The following UBE2G1 variants were observed in gnomAD, a reference collection of about 807,000 sequenced individuals.
UBE2G1 encodes the protein ubiquitin conjugating enzyme E2 G1, also known as ubiquitin-conjugating enzyme E2 G1.
In UBE2G1, 5 loss-of-function variants were observed where a neutral mutation model predicts 22.7. That is an observed-to-expected ratio of 0.22 (90% confidence interval 0.12 to 0.46). The LOEUF (loss-of-function observed/expected upper bound fraction) is 0.46, where lower values mean the gene tolerates loss of function less well. UBE2G1 is among the 20% of genes least tolerant of loss of function. UBE2G1 has a pLI of 0.99. For synonymous variants in UBE2G1, 74 were observed against 67.5 expected, an observed-to-expected ratio of 1.10 and a Z score of -0.47; for missense variants, 88 against 203.9, an observed-to-expected ratio of 0.43 and a Z score of 3.46.
chr17:4,293,769 C>A (rs1969071367), intron 3 of UBE2G1, among the ~76,000 whole-genome samples: 1 of 152,108 alleles, frequency 6.6e-6, no homozygotes, highest in South Asian at 2.1e-4. Flanking sequence ...TGTAAATGGC[C>A]AGTCAATCCT....
intron 1 of UBE2G1, among the ~76,000 whole-genome samples, chr17:4,361,507 A>AAAGGTGGTGGTGGCT (rs1969966242): frequency 6.6e-6 from 1 of 152,212 alleles, no homozygotes; most frequent in Non-Finnish European, 1.5e-5. Flanking sequence ...AGCCTGGGTG[A>AAAGGTGGTGGTGGCT]CAGAGTGAGA....
chr17:4,337,469 A>G (rs1185100429), intron 1 of UBE2G1, among the ~76,000 whole-genome samples: 1 of 152,040 alleles, frequency 6.6e-6, no homozygotes, highest in Non-Finnish European at 1.5e-5. Context: ...CCTGGCCAAC[A>G]CGGTGAAACC....
intron 3 of UBE2G1, among the ~76,000 whole-genome samples, chr17:4,294,009 T>A (rs981347344): frequency 6.6e-6 from 1 of 152,234 alleles, no homozygotes; most frequent in Non-Finnish European, 1.5e-5. Context: ...CTTTTTTATT[T>A]TTTGTCATTT....
At chr17:4,342,662 T>C (rs114157552) in intron 1 of UBE2G1, among the ~76,000 whole-genome samples, 224 of 152,308 alleles carry the variant, frequency 1.5e-3, no homozygotes, top group Middle Eastern at 6.8e-3. Context: ...TAAACCACTT[T>C]GTTCTCGGCT....
At position 4,284,312 on chromosome 17, in the gene UBE2G1, C is replaced by T. The variant is rs899088928; in HGVS notation, c.427-1391G>A. On this transcript the variant is annotated intron_variant, in intron 4 of 5. Coordinates refer to ENST00000396981, the MANE Select transcript of UBE2G1 (RefSeq NM_003342.5). ...TACTGAAGAATACTATAATTAGAAC[C>T]GCTAGGCTGGGTGTGGTGGCTCACA... Among the ~76,000 whole-genome samples, 3 of 151,542 alleles carry T rather than the reference C, an allele frequency of 2.0e-5. No homozygotes were observed. In the South Asian group the frequency reaches 6.3e-4, roughly 32 times the overall value.
chr17:4,301,484 C>A, intron 2 of UBE2G1: 1 of 828,068 alleles, frequency 1.2e-6, no homozygotes, highest in Non-Finnish European at 2.1e-6. Flanking sequence ...ATCCTGCTGC[C>A]CTTCAGACTC....
intron 1 of UBE2G1, among the ~76,000 whole-genome samples, chr17:4,348,552 C>CAA (rs777127524): frequency 4.5e-4 from 29 of 64,212 alleles, no homozygotes; most frequent in African/African-American, 5.3e-4. Context: ...GACTCCGTCT[C>CAA]AAAAAAAAAA....
At chr17:4,335,861 C>A (rs992544928) in intron 1 of UBE2G1, among the ~76,000 whole-genome samples, 3 of 152,016 alleles carry the variant, frequency 2.0e-5, no homozygotes, top group Non-Finnish European at 4.4e-5. Context: ...AGGAAGAAAA[C>A]CAAGCCAGAC....
At chr17:4,364,797 G>T (rs1970013680) in intron 1 of UBE2G1, among the ~76,000 whole-genome samples, 1 of 147,732 alleles carries the variant, frequency 6.8e-6, no homozygotes, top group Non-Finnish European at 1.5e-5. Flanking sequence ...GGCCAGGCTG[G>T]CCCTGAACTC....
At chr17:4,279,651 C>T (rs1019806284) in intron 5 of UBE2G1, among the ~76,000 whole-genome samples, 5 of 151,530 alleles carry the variant, frequency 3.3e-5, no homozygotes, top group Admixed American at 2.6e-4. Flanking sequence ...GGCTCATGCC[C>T]GTAATCCCAG....
chr17:4,337,733 G>A (rs1969666154), intron 1 of UBE2G1, among the ~76,000 whole-genome samples: 1 of 151,666 alleles, frequency 6.6e-6, no homozygotes, highest in African/African-American at 2.4e-5. Context: ...CTCAGAGGAA[G>A]AGAGCCACAG....
In UBE2G1 at chr17:4,269,708, A is replaced by G. The variant is rs998368094; in HGVS notation, c.*2846T>C. On this transcript the variant is annotated 3_prime_UTR_variant, in exon 6 of 6. Coordinates refer to ENST00000396981, the MANE Select transcript of UBE2G1 (RefSeq NM_003342.5). ...GGCCAGAAAGCCACTCAGATCATCT[A>G]TCCCATACAAGCACAGACTGAAATC... The G allele has an allele frequency of 1.6e-5, 3 of 186,250 alleles. No individual in the cohort carries two copies. Among genetic ancestry groups the G allele is most frequent in the African/African-American group, 7.2e-5 (3 of 41,586 alleles). The allele number at this position is 186,250 out of a possible 1,614,324, so 11.5% of individuals were successfully genotyped here. A position where few individuals can be genotyped will look rare whatever the true frequency, so the allele number is the denominator to read the frequency against.
At chr17:4,325,003 G>A (rs1969487210) in intron 1 of UBE2G1, among the ~76,000 whole-genome samples, 1 of 152,034 alleles carries the variant, frequency 6.6e-6, no homozygotes, top group South Asian at 2.1e-4. Flanking sequence ...CGTGAACCCA[G>A]GAGGCAAAGC....
At chr17:4,275,254 C>T (rs1968808035) in intron 5 of UBE2G1, among the ~76,000 whole-genome samples, 1 of 152,178 alleles carries the variant, frequency 6.6e-6, no homozygotes, top group African/African-American at 2.4e-5. Context: ...AGAGACAAGG[C>T]CTCAGTACAG....
intron 1 of UBE2G1, among the ~76,000 whole-genome samples, chr17:4,346,742 C>T (rs1371347979): frequency 6.6e-6 from 1 of 151,742 alleles, no homozygotes; most frequent in African/African-American, 2.4e-5. Context: ...CTCCAGCTTA[C>T]ATTTTCAATA....
chr17:4,291,075 C>T (rs772424142), intron 3 of UBE2G1, among the ~76,000 whole-genome samples: 7 of 152,074 alleles, frequency 4.6e-5, no homozygotes, highest in Non-Finnish European at 7.4e-5. Context: ...AGAATAACAC[C>T]GAGGGCCGGG....
In UBE2G1 at chr17:4,343,771, T is replaced by C. The variant is rs1969737984; in HGVS notation, c.46+22500A>G. Among the ~76,000 whole-genome samples, 2 of 151,334 alleles carry C rather than the reference T, an allele frequency of 1.3e-5. 1 individual carries two copies. The highest frequency in any genetic ancestry group is 4.2e-4 in the South Asian group (2 of 4,814). ...GCCCGGCTAATTTTTTGTACTTTAA[T>C]TAGACACAGGGTTTCACTTGTTTGC... On this transcript the variant is annotated intron_variant, in intron 1 of 5. Coordinates refer to ENST00000396981, the MANE Select transcript of UBE2G1 (RefSeq NM_003342.5).
rs549294817 is a variant in UBE2G1, at chr17:4,346,684, T to C, written c.46+19587A>G. Among the ~76,000 whole-genome samples, 33 of 151,458 alleles carry C rather than the reference T, an allele frequency of 2.2e-4. 1 individual carries two copies. Among genetic ancestry groups the C allele is most frequent in the Non-Finnish European group, 4.1e-4 (28 of 67,838 alleles). ...CTCCTGACCTCGTGATCCACCCGCC[T>C]CGGCCTCCCAAAGTGCTGTGATTAC... On this transcript the variant is annotated intron_variant, in intron 1 of 5. Transcript: ENST00000396981.
chr17:4,349,404 T>C (rs1257763279), intron 1 of UBE2G1, among the ~76,000 whole-genome samples: 1 of 152,168 alleles, frequency 6.6e-6, no homozygotes, highest in Non-Finnish European at 1.5e-5. Flanking sequence ...CCTGCCGTCA[T>C]AACTGGCTGC....
Sources: allele counts gnomAD v4.1 joint callset (sites outside exome capture counted in the v4.1 genomes callset), GRCh38; gene constraint gnomAD v4.1.1; transcripts MANE v1.5; gene names NCBI Gene and HGNC (gene_info 2026-07-23, HGNC 2026-07-21).